SENP7: variants seen among roughly 807,000 people sequenced by gnomAD.
SENP7 encodes the protein SUMO specific peptidase 7.
In SENP7, 64 loss-of-function variants were observed where a neutral mutation model predicts 141.2. That is an observed-to-expected ratio of 0.45 (90% CI 0.37 to 0.56). The LOEUF (loss-of-function observed/expected upper bound fraction) is 0.56, where lower values mean the gene tolerates loss of function less well. SENP7 is among the 20% of genes least tolerant of loss of function. The pLI, the probability that SENP7 is intolerant of heterozygous loss-of-function variation, is 0.00. For missense variants in SENP7, 1,025 were observed against 1,212.2 expected (o/e 0.85, Z 2.29); for synonymous variants, 382 against 426.4 (o/e 0.90, Z 1.28).
Position 101,327,651 on chromosome 3 carries a change from T to C in SENP7, c.3015+15A>G, listed in dbSNP as rs1454983835. ...GGTAACTGTGAATTAAAAACTTATT[T>C]ATAGCTTCACATACCTTGAAGAAGC... On this transcript the variant is annotated intron_variant, in intron 23 of 23. Transcript: ENST00000394095. 19 of 1,581,670 alleles carry C rather than the reference T, an allele frequency of 1.2e-5. No homozygotes were observed. The highest frequency in any genetic ancestry group is 1.6e-5 in the Non-Finnish European group (19 of 1,165,598).
intron 14 of SENP7, 41 bp from the exon 15 acceptor site, chr3:101,341,820 A>G (rs373211508): frequency 3.1e-5 from 47 of 1,530,312 alleles, no homozygotes; most frequent in Non-Finnish European, 4.1e-5. Flanking sequence ...AAACATCATA[A>G]CTTTCAAAAG....
chr3:101,509,939 T>C (rs1364893730), intron 1 of SENP7, among the ~76,000 whole-genome samples: 1 of 152,202 alleles, frequency 6.6e-6, no homozygotes, highest in Non-Finnish European at 1.5e-5. Flanking sequence ...GTGAAGTTCT[T>C]AGCACAATGT....
At chr3:101,338,203 A>G (rs570825320) in intron 16 of SENP7, among the ~76,000 whole-genome samples, 1 of 152,188 alleles carries the variant, frequency 6.6e-6, no homozygotes, top group South Asian at 2.1e-4. Flanking sequence ...AACATGTGCC[A>G]AACACCATGT....
intron 13 of SENP7, chr3:101,347,614 C>A (rs1331057323): frequency 2.6e-5 from 5 of 189,474 alleles, no homozygotes; most frequent in Non-Finnish European, 4.3e-5. Flanking sequence ...CCCAGCTACT[C>A]AGGAGGCTGA....
At chr3:101,376,634 T>C (rs570319624) in intron 6 of SENP7, among the ~76,000 whole-genome samples, 2 of 144,648 alleles carry the variant, frequency 1.4e-5, no homozygotes, top group Non-Finnish European at 3.0e-5. Flanking sequence ...GGGACTGTTG[T>C]GGGGTGGGGG....
chr3:101,413,935 G>C (rs545329401), intron 5 of SENP7, among the ~76,000 whole-genome samples: 3 of 152,192 alleles, frequency 2.0e-5, no homozygotes, highest in Non-Finnish European at 4.4e-5. Flanking sequence ...ACTTTATCCA[G>C]AAGATTATGT....
At chr3:101,374,430 C>T (rs886432878) in intron 6 of SENP7, among the ~76,000 whole-genome samples, 7 of 152,086 alleles carry the variant, frequency 4.6e-5, no homozygotes, top group African/African-American at 1.7e-4. Context: ...AAAACACAGT[C>T]AACAACAAAG....
intron 5 of SENP7, among the ~76,000 whole-genome samples, chr3:101,411,166 T>C (rs972328334): frequency 3.3e-5 from 5 of 152,192 alleles, no homozygotes; most frequent in Admixed American, 1.3e-4. Context: ...GTTGTTAAGA[T>C]TCAATGAGAT....
intron 3 of SENP7, among the ~76,000 whole-genome samples, chr3:101,471,894 T>C (rs2064011623): frequency 6.6e-6 from 1 of 152,042 alleles, no homozygotes; most frequent in African/African-American, 2.4e-5. Flanking sequence ...AACAGACACA[T>C]GAAAAAACAC....
chr3:101,456,941 T>TTTTTGTTTTG (rs57842838), intron 4 of SENP7, among the ~76,000 whole-genome samples: 99 of 150,354 alleles, frequency 6.6e-4, no homozygotes, highest in African/African-American at 2.0e-3. Flanking sequence ...TGATATAAGC[T>TTTTTGTTTTG]TTTTGTTTTG....
rs2059907658 is a variant in SENP7 at position 101,361,754 on chromosome 3, A to G, written c.1584T>C (p.Tyr528=). 5 of 1,597,796 alleles carry G rather than the reference A, an allele frequency of 3.1e-6. No homozygotes were observed. The highest frequency in any genetic ancestry group is 3.4e-6 in the Non-Finnish European group (4 of 1,174,780). ...LQLDFIFTSV[Y]IGKIKGASKG... ...TAGAAGCTCCTTTTATTTTACCAAT[A>G]TAAACAGAAGTAAATATAAAATCCA... is the stretch of plus-strand genomic sequence containing the variant. The change falls in exon 11 of 24, where the codon TAT becomes TAC. Residue 528 remains tyrosine (Y), a synonymous_variant. Coordinates refer to ENST00000394095, the MANE Select transcript of SENP7 (RefSeq NM_020654.5).
intron 3 of SENP7, among the ~76,000 whole-genome samples, chr3:101,463,226 G>A (rs139710961): frequency 5.9e-5 from 9 of 151,808 alleles, no homozygotes; most frequent in African/African-American, 2.2e-4. Context: ...GCACATGTCT[G>A]TAGTCCCAGC....
intron 11 of SENP7, chr3:101,357,972 T>C: frequency 1.6e-6 from 1 of 643,736 alleles, no homozygotes; most frequent in Non-Finnish European, 2.5e-6. Flanking sequence ...CCCTCACCCC[T>C]TTTTTCACAT....
intron 3 of SENP7, among the ~76,000 whole-genome samples, chr3:101,489,959 C>T (rs1253950396): frequency 1.3e-5 from 2 of 152,106 alleles, no homozygotes; most frequent in East Asian, 1.9e-4. Flanking sequence ...CCAAGGCAGG[C>T]GGATCACCTG....
chr3:101,361,314 G>A (rs1029736853), intron 11 of SENP7, among the ~76,000 whole-genome samples: 4 of 151,964 alleles, frequency 2.6e-5, no homozygotes, highest in Non-Finnish European at 4.4e-5. Context: ...GAAAAACAGC[G>A]TAGGATTAGT....
chr3:101,394,530 T>TG (rs1196311196), intron 6 of SENP7, among the ~76,000 whole-genome samples: 1 of 151,804 alleles, frequency 6.6e-6, no homozygotes, highest in Non-Finnish European at 1.5e-5. Flanking sequence ...TTTTTTTTTT[T>TG]GAGACGGAGT....
At chr3:101,390,325 A>G (rs1367564636) in intron 6 of SENP7, among the ~76,000 whole-genome samples, 2 of 147,148 alleles carry the variant, frequency 1.4e-5, no homozygotes, top group Non-Finnish European at 3.0e-5. Context: ...CGTCACCAAT[A>G]AAGACATACA....
intron 6 of SENP7, among the ~76,000 whole-genome samples, chr3:101,387,286 T>C (rs1289344833): frequency 1.3e-5 from 2 of 152,000 alleles, no homozygotes; most frequent in African/African-American, 2.4e-5. Flanking sequence ...GCACATACCA[T>C]TGAGAGGCCT....
At chr3:101,350,744 TTTTAAAATC>T (rs2059592674) in intron 12 of SENP7, among the ~76,000 whole-genome samples, 1 of 152,030 alleles carries the variant, frequency 6.6e-6, no homozygotes, top group African/African-American at 2.4e-5. Context: ...TATCATCCCC[TTTTAAAATC>T]ACATGACTTT....
Sources: allele counts gnomAD v4.1 joint callset (sites outside exome capture counted in the v4.1 genomes callset), GRCh38; gene constraint gnomAD v4.1.1; transcripts MANE v1.5; gene names NCBI Gene and HGNC (gene_info 2026-07-23, HGNC 2026-07-21).